The following CDKL1 variants were observed in gnomAD, a reference collection of about 807,000 sequenced individuals.
CDKL1 encodes the protein cyclin dependent kinase like 1.
In CDKL1, 41 loss-of-function variants were observed where a neutral mutation model predicts 42.0. That is an observed-to-expected ratio of 0.98 (90% CI 0.76 to 1.27). CDKL1 has a LOEUF of 1.27. CDKL1 is among the 50% of genes most tolerant of loss of function. The pLI is 0.00. For synonymous variants in CDKL1, 153 were observed against 158.6 expected (o/e 0.96, Z 0.26); for missense variants, 394 against 428.4 (o/e 0.92, Z 0.71).
chr14:50,352,723 C>G (rs752227302), intron 3 of CDKL1, among the ~76,000 whole-genome samples: 14 of 152,154 alleles, frequency 9.2e-5, no homozygotes, highest in Non-Finnish European at 5.9e-5. Context: ...AGCTTGGCTG[C>G]CTTTGCCGTC....
intron 8 of CDKL1, chr14:50,332,910 T>TTTC (rs1444484318): frequency 2.8e-6 from 1 of 358,734 alleles, no homozygotes; most frequent in African/African-American, 2.1e-5. Flanking sequence ...CTACTTTTTT[T>TTTC]TTTTTTTTTT....
At chr14:50,385,571 C>T (rs942440363) in intron 2 of CDKL1, among the ~76,000 whole-genome samples, 1 of 151,788 alleles carries the variant, frequency 6.6e-6, no homozygotes, top group Non-Finnish European at 1.5e-5. Context: ...TTTGGGAGGC[C>T]AAGGCGGGTG....
intron 2 of CDKL1, among the ~76,000 whole-genome samples, chr14:50,383,247 C>T (rs948518545): frequency 4.0e-5 from 6 of 150,964 alleles, no homozygotes; most frequent in Admixed American, 6.6e-5. Flanking sequence ...CTTATAATAA[C>T]GATATGTAAT....
intron 2 of CDKL1, among the ~76,000 whole-genome samples, chr14:50,380,746 A>G (rs1010345078): frequency 6.6e-6 from 1 of 151,250 alleles, no homozygotes; most frequent in African/African-American, 2.4e-5. Flanking sequence ...CCCTCTGGGG[A>G]ATGGCATATA....
intron 7 of CDKL1, chr14:50,334,905 A>C (rs2033170232): frequency 4.0e-6 from 1 of 251,028 alleles, no homozygotes; most frequent in Non-Finnish European, 7.1e-6. Context: ...TAATGAAAAA[A>C]AACTTTTCTG....
chr14:50,331,210 G>A (rs538169644), intron 9 of CDKL1: 7 of 152,386 alleles, frequency 4.6e-5, no homozygotes, highest in African/African-American at 1.7e-4. Context: ...TCTAGCCTGA[G>A]CGACAGAGTG....
intron 7 of CDKL1, among the ~76,000 whole-genome samples, chr14:50,338,446 T>C (rs984542222): frequency 6.6e-6 from 1 of 152,154 alleles, no homozygotes; most frequent in African/African-American, 2.4e-5. Context: ...CAGGCTGGTC[T>C]GGAACTCCTG....
At chr14:50,366,277 G>A (rs546549346) in intron 2 of CDKL1, among the ~76,000 whole-genome samples, 4 of 152,306 alleles carry the variant, frequency 2.6e-5, no homozygotes, top group African/African-American at 9.6e-5. Flanking sequence ...ACCTTGAGCC[G>A]AGTCTAGAGG....
intron 2 of CDKL1, chr14:50,390,601 T>C (rs1018129627): frequency 3.2e-6 from 1 of 312,340 alleles, no homozygotes; most frequent in Non-Finnish European, 6.2e-6. Context: ...TTACTTTGTA[T>C]TTGTATGGTT....
intron 2 of CDKL1, chr14:50,362,287 G>C (rs533027937): frequency 2.7e-6 from 1 of 364,204 alleles, no homozygotes. Flanking sequence ...GCGGGCGCAC[G>C]GCATGGGACT....
At chr14:50,333,578 G>A (rs1214050809) in intron 8 of CDKL1, 1 of 152,140 alleles carries the variant, frequency 6.6e-6, no homozygotes, top group African/African-American at 2.4e-5. Flanking sequence ...AGTATACTCA[G>A]TTGAGCAGCC....
intron 6 of CDKL1, among the ~76,000 whole-genome samples, chr14:50,339,650 T>A (rs912250680): frequency 6.6e-6 from 1 of 152,196 alleles, no homozygotes; most frequent in African/African-American, 2.4e-5. Context: ...AGCAATCACA[T>A]GGAAATCCCA....
intron 2 of CDKL1, among the ~76,000 whole-genome samples, chr14:50,368,987 C>G (rs1461535550): frequency 6.6e-6 from 1 of 151,878 alleles, no homozygotes; most frequent in African/African-American, 2.4e-5. Flanking sequence ...ATGCCTCAGC[C>G]TCCCAAGCAG....
intron 2 of CDKL1, among the ~76,000 whole-genome samples, chr14:50,394,555 A>G (rs1243264992): frequency 6.6e-6 from 1 of 152,240 alleles, no homozygotes; most frequent in African/African-American, 2.4e-5. Context: ...GAGAAGCAAG[A>G]ATAATAGTAA....
intron 8 of CDKL1, chr14:50,332,740 G>A (rs747918467): frequency 3.1e-5 from 44 of 1,411,084 alleles, no homozygotes; most frequent in Non-Finnish European, 3.8e-5. Flanking sequence ...TGGCCAAATG[G>A]GGTAATCCAT....
rs776596828 is a variant in CDKL1, at chr14:50,342,128, T to C, written c.454+4A>G. 1.9e-6 allele frequency: 3 copies of C among 1,612,194 alleles called. No homozygotes were observed. The highest frequency in any genetic ancestry group is 2.2e-5 in the South Asian group (2 of 91,048). On this transcript the variant is annotated splice_donor_region_variant and intron_variant, in intron 5 of 9. Coordinates refer to ENST00000395834, the MANE Select transcript of CDKL1 (RefSeq NM_004196.7). ...ACTTAACAAAAGAAAATGTCAATAC[T>C]CACTCAAAAGCCGAGCAAATCCAAA... is the stretch of plus-strand genomic sequence containing the variant.
intron 3 of CDKL1, among the ~76,000 whole-genome samples, chr14:50,355,117 C>A (rs188238525): frequency 6.6e-6 from 1 of 151,908 alleles, no homozygotes; most frequent in Non-Finnish European, 1.5e-5. Flanking sequence ...TATGTTTTAT[C>A]TGTTAACATA....
At chr14:50,353,321 C>T (rs1475298911) in intron 3 of CDKL1, among the ~76,000 whole-genome samples, 4 of 152,168 alleles carry the variant, frequency 2.6e-5, no homozygotes, top group Non-Finnish European at 5.9e-5. Context: ...TGAAATTCTT[C>T]GGAGATGATG....
intron 2 of CDKL1, among the ~76,000 whole-genome samples, chr14:50,369,507 G>A (rs1358651397): frequency 1.3e-5 from 2 of 150,726 alleles, no homozygotes; most frequent in Non-Finnish European, 3.0e-5. Context: ...TTAATTTTTT[G>A]TTGTTCTTTT....
Sources: gnomAD v4.1 joint callset for allele counts (sites outside exome capture counted in the v4.1 genomes callset) on GRCh38, gnomAD v4.1.1 for gene constraint, MANE v1.5 for transcripts, NCBI Gene and HGNC (gene_info 2026-07-23, HGNC 2026-07-21) for gene names.